The following CRBN variants were observed in gnomAD, a reference collection of about 807,000 sequenced individuals.
CRBN encodes the protein cereblon.
Under a neutral mutation model 62.2 loss-of-function variants are expected in CRBN, and 53 were observed. That is an observed-to-expected ratio of 0.85 (90% CI 0.68 to 1.07). The LOEUF is 1.07. Ranked by LOEUF, CRBN falls within the 50% of genes least tolerant of loss-of-function variation. CRBN has a pLI of 0.00. For missense variants in CRBN, 616 were observed against 531.1 expected (o/e 1.16, Z -1.57); for synonymous variants, 208 against 176.1 (o/e 1.18, Z -1.43).
chr3:3,151,684 T>A (rs1706562401), intron 10 of CRBN, among the ~76,000 whole-genome samples: 1 of 152,172 alleles, frequency 6.6e-6, no homozygotes, highest in Non-Finnish European at 1.5e-5. Flanking sequence ...GGGTGCCAAG[T>A]AAGATAGGGC....
intron 4 of CRBN, among the ~76,000 whole-genome samples, chr3:3,170,147 T>G (rs1401964033): frequency 6.6e-6 from 1 of 152,056 alleles, no homozygotes; most frequent in East Asian, 1.9e-4. Context: ...GCCCAGCTAA[T>G]TTCTTGTATT....
chr3:3,167,407 CATA>C (rs1157380179), intron 5 of CRBN: 3 of 471,934 alleles, frequency 6.4e-6, no homozygotes, highest in African/African-American at 6.0e-5. Flanking sequence ...AGCTGATAAG[CATA>C]ATAACAAGGA....
intron 1 of CRBN, among the ~76,000 whole-genome samples, chr3:3,176,968 G>A (rs1198494312): frequency 6.6e-6 from 1 of 152,122 alleles, no homozygotes; most frequent in Non-Finnish European, 1.5e-5. Context: ...TCCTATCCTA[G>A]ACCAGTGACT....
In CRBN at chr3:3,150,825, T is replaced by C. The variant is rs1291080789; in HGVS notation, c.*40A>G. On this transcript the variant is annotated 3_prime_UTR_variant, in exon 11 of 11. Coordinates refer to ENST00000231948, the MANE Select transcript of CRBN (RefSeq NM_016302.4). The stretch of plus-strand genomic sequence containing the variant: ...AATTTCCAAAGCAGATCTTAGAATA[T>C]AACCAATTTGTTAGATAACTTTATC... The C allele has an allele frequency of 5.1e-6, 8 of 1,562,926 alleles. No homozygotes were observed. In the African/African-American group the frequency reaches 9.8e-5, roughly 19 times the overall value.
rs2126046068 is a variant in CRBN at position 3,150,489 on chromosome 3, G to C, written c.*376C>G. 4.7e-6 allele frequency: 1 copy of C among 214,604 alleles called. No individual in the cohort carries two copies. The highest frequency in any genetic ancestry group is 2.4e-5 in the African/African-American group (1 of 42,210). 13.3% of individuals were successfully genotyped at this position (214,604 alleles called of 1,614,324 possible). ...CCCATACATCAGGATCAAATTATTAGTTTCAGTTTCACATTGTAGGAATTT... is the reference window on the plus strand; with the variant it reads ...CCCATACATCAGGATCAAATTATTACTTTCAGTTTCACATTGTAGGAATTT... On this transcript the variant is annotated 3_prime_UTR_variant, in exon 11 of 11. Coordinates refer to ENST00000231948, the MANE Select transcript of CRBN (RefSeq NM_016302.4).
At chr3:3,164,298 T>C (rs1707244103) in intron 5 of CRBN, among the ~76,000 whole-genome samples, 1 of 152,208 alleles carries the variant, frequency 6.6e-6, no homozygotes, top group South Asian at 2.1e-4. Context: ...GGCCAAACGC[T>C]AGGCCTCCTG....
chr3:3,179,500 C>T (rs1707979788), intron 1 of CRBN, 121 bp downstream of exon 1: 3 of 925,682 alleles, frequency 3.2e-6, no homozygotes, highest in Admixed American at 2.0e-5. Flanking sequence ...CCGGTGCGGC[C>T]CTGCTGGGCT....
intron 4 of CRBN, among the ~76,000 whole-genome samples, chr3:3,168,052 C>A (rs979655133): frequency 1.3e-5 from 2 of 152,184 alleles, no homozygotes; most frequent in East Asian, 3.9e-4. Context: ...GAGATCTACA[C>A]ATTTCAGATA....
At position 3,153,490 on chromosome 3, in the gene CRBN, TA is replaced by T; in HGVS notation, c.952-3del. Reference sequence around the variant, plus strand: ...TTGTTTACAGCAAAGGGAAGTACACTAAAAGATTTGAGAGAAAAATTATTGG... The same window carrying T: ...TTGTTTACAGCAAAGGGAAGTACACTAAAGATTTGAGAGAAAAATTATTGG... On this transcript the variant is annotated splice_region_variant and splice_polypyrimidine_tract_variant and intron_variant, in intron 8 of 10. Coordinates refer to ENST00000231948, the MANE Select transcript of CRBN (RefSeq NM_016302.4). 1 of 1,556,496 alleles carries T rather than the reference TA, an allele frequency of 6.4e-7. No homozygotes were observed. Among genetic ancestry groups the T allele is most frequent in the Non-Finnish European group, 8.9e-7 (1 of 1,127,770 alleles).
chr3:3,175,292 GA>G (rs200503560), intron 1 of CRBN, 23 bp from the exon 2 acceptor site: 28,818 of 1,080,292 alleles, frequency 0.027, 198 homozygotes, highest in African/African-American at 0.092. Context: ...AATATTGTAA[GA>G]AAAAAAAAAA....
chr3:3,154,461 T>A (rs1706791832), intron 7 of CRBN: 2 of 484,210 alleles, frequency 4.1e-6, no homozygotes, highest in Non-Finnish European at 7.4e-6. Context: ...GGGAAAGGAG[T>A]CCTTACACAG....
chr3:3,177,244 G>A lies in CRBN; in HGVS notation c.68-1975C>T, dbSNP rs762309114. On this transcript the variant is annotated intron_variant, in intron 1 of 10. Coordinates refer to ENST00000231948, the MANE Select transcript of CRBN (RefSeq NM_016302.4). ...AATGCCCCAAATAAACTTCTAAATCGATAAAATGTCATTACGAAATAATCA... is the reference window on the plus strand; with the variant it reads ...AATGCCCCAAATAAACTTCTAAATCAATAAAATGTCATTACGAAATAATCA... Among the ~76,000 whole-genome samples, 4 of 152,100 alleles carry A rather than the reference G, an allele frequency of 2.6e-5. No homozygotes were observed. In the East Asian group the frequency reaches 5.8e-4, roughly 22 times the overall value.
rs541404259 is a variant in CRBN at position 3,156,245 on chromosome 3, G to T, written c.724C>A (p.Arg242Ser). Residue 242 changes from arginine to serine, a missense_variant, in exon 6 of 11, where the codon CGC becomes AGC. Physicochemically the swap from Arg to Ser is moderately radical, Grantham distance 110 (BLOSUM62 -1). Transcript: ENST00000231948. ...FHCANLTSWP[R>S]WLYSLYDAET... ...GCATCATATAAGGAATACAGCCAGCGAGGCCATGAAGTTAGATTTGCACAA... is the reference window on the plus strand; with the variant it reads ...GCATCATATAAGGAATACAGCCAGCTAGGCCATGAAGTTAGATTTGCACAA... 2 of 1,613,846 alleles carry T rather than the reference G, an allele frequency of 1.2e-6. No homozygotes were observed. Among genetic ancestry groups the T allele is most frequent in the African/African-American group, 1.3e-5 (1 of 74,884 alleles).
chr3:3,173,936 C>T (rs1707727021), intron 3 of CRBN, 123 bp downstream of exon 3: 15 of 843,212 alleles, frequency 1.8e-5, no homozygotes, highest in South Asian at 1.1e-4. Flanking sequence ...AAATTCCTAA[C>T]CTCACATTCT....
intron 7 of CRBN, chr3:3,154,393 ATAAT>A (rs1416690547): frequency 2.9e-5 from 13 of 443,318 alleles, no homozygotes; most frequent in Non-Finnish European, 5.3e-5. Context: ...GAGAGTATCT[ATAAT>A]TAAGGCAAGT....
chr3:3,149,870 A>AAAAC (rs1706369345), downstream of CRBN: 1 of 152,136 alleles, frequency 6.6e-6, no homozygotes, highest in Admixed American at 6.5e-5. Context: ...GACTACCAAT[A>AAAAC]AAACGAAAGT....
At position 3,175,271 on chromosome 3, in the gene CRBN, TA is replaced by T. The variant is rs754386503; in HGVS notation, c.68-3del. ...TTTCATCTTCTTCCTCACTCTCTGCTATAAAAGTAGAATATTGTAAGAAAAA... is the reference window on the plus strand; with the variant it reads ...TTTCATCTTCTTCCTCACTCTCTGCTTAAAAGTAGAATATTGTAAGAAAAA... On this transcript the variant is annotated splice_polypyrimidine_tract_variant and splice_region_variant and intron_variant, in intron 1 of 10. Coordinates refer to ENST00000231948, the MANE Select transcript of CRBN (RefSeq NM_016302.4). 7 of 1,582,434 alleles carry T rather than the reference TA, an allele frequency of 4.4e-6. No homozygotes were observed. In the East Asian group the frequency reaches 1.6e-4, roughly 35 times the overall value.
At position 3,154,060 on chromosome 3, in the gene CRBN, A is replaced by G. The variant is rs144666584; in HGVS notation, c.851T>C (p.Val284Ala). The change falls in exon 8 of 11, where the codon GTA becomes GCA. Residue 284 changes from valine (V) to alanine (A), a missense_variant. Physicochemically the swap from Val to Ala is moderately conservative, Grantham distance 64. Coordinates refer to ENST00000231948, the MANE Select transcript of CRBN (RefSeq NM_016302.4). ...PSNPIDFSYRVAACLPIDDVL... is the reference protein window; with the variant it reads ...PSNPIDFSYRAAACLPIDDVL... ...ATCATCAATAGGAAGACAAGCAGCT[A>G]CTCTGTAAGAAAAATCTTCAAGACA... The G allele has an allele frequency of 1.2e-6, 2 of 1,610,130 alleles. No homozygotes were observed. The highest frequency in any genetic ancestry group is 8.5e-7 in the Non-Finnish European group (1 of 1,176,438).
rs776010850 is a variant in CRBN, at chr3:3,154,798, G to C, written c.784C>G (p.Arg262Gly). 6.2e-7 allele frequency: 1 copy of C among 1,606,278 alleles called. No homozygotes were observed. The highest frequency in any genetic ancestry group is 1.7e-5 in the Admixed American group (1 of 59,994). The stretch of plus-strand genomic sequence containing the variant: ...TCTTTTAGATTTTCATCCCATTCAC[G>C]TAGCTGTTTCTTGATTCTGTCCATT... Reference protein sequence around the residue: ...TLMDRIKKQLREWDENLKDDS... With the variant: ...TLMDRIKKQLGEWDENLKDDS... The change falls in exon 7 of 11, where the codon CGT (arginine) becomes GGT (glycine). Residue 262 changes from arginine (R) to glycine (G), a missense_variant. Coordinates refer to ENST00000231948, the MANE Select transcript of CRBN (RefSeq NM_016302.4).
Sources: gnomAD v4.1 joint callset for allele counts (sites outside exome capture counted in the v4.1 genomes callset) on GRCh38, gnomAD v4.1.1 for gene constraint, MANE v1.5 for transcripts, NCBI Gene and HGNC (gene_info 2026-07-23, HGNC 2026-07-21) for gene names.